Variants in IDO2 observed in about 807,000 individuals in gnomAD.
The protein encoded by IDO2 is indoleamine 2,3-dioxygenase-like 1 protein.
IDO2 carries 46 observed loss-of-function variants against 45.1 expected under a neutral mutation model. The observed-to-expected ratio is 1.02, with a 90% CI of 0.80 to 1.30. The LOEUF (loss-of-function observed/expected upper bound fraction) is 1.30, where lower values mean the gene tolerates loss of function less well. Ranked by LOEUF, IDO2 falls within the 50% of genes most tolerant of loss-of-function variation. IDO2 has a pLI of 0.00. For synonymous variants in IDO2, 218 were observed against 184.9 expected, an observed-to-expected ratio of 1.18 and a Z score of -1.45; for missense variants, 544 against 491.8, an observed-to-expected ratio of 1.11 and a Z score of -1.00.
rs34663844 is a variant in IDO2 at position 39,956,059 on chromosome 8, CTTT to C, written c.99+6811_99+6813del. Among the ~76,000 whole-genome samples the C allele has an allele frequency of 3.3e-3, 432 of 131,396 alleles. 4 individuals are homozygous for C. The highest frequency in any genetic ancestry group is 9.7e-3 in the African/African-American group (354 of 36,358). 86.2% of individuals were successfully genotyped at this position (131,396 alleles called of 152,430 possible). A position where few individuals can be genotyped will look rare whatever the true frequency, so the allele number is the denominator to read the frequency against. ...TTTCTTCATAAGATGCATTAGATGA[CTTT>C]TTTTTTTTTTTTTTTGAGACAGAGT... On this transcript the variant is annotated intron_variant, in intron 2 of 10. Transcript: ENST00000502986.
At chr8:40,010,126 G>T (rs1802290516) in intron 9 of IDO2, among the ~76,000 whole-genome samples, 1 of 152,148 alleles carries the variant, frequency 6.6e-6, no homozygotes, top group African/African-American at 2.4e-5. Context: ...ATGAAGAAAT[G>T]GAAAGCTGGA....
At chr8:39,977,564 C>G (rs1808277759) in intron 3 of IDO2, among the ~76,000 whole-genome samples, 2 of 152,150 alleles carry the variant, frequency 1.3e-5, no homozygotes, top group African/African-American at 2.4e-5. Context: ...GCCTGTAGTC[C>G]CAGGTACTCA....
At chr8:39,935,164 G>A in exon 1 of IDO2, 1 of 1,610,356 alleles carries the variant, frequency 6.2e-7, no homozygotes, top group Non-Finnish European at 8.5e-7. Context: ...AGGAAATGAA[G>A]CTTGACACTT....
intron 5 of IDO2, 54 bp from the exon 6 acceptor site, chr8:39,985,428 AATATATCTGGTTTACAAACTGAATTG>A (rs1276696789): frequency 8.8e-6 from 11 of 1,249,054 alleles, no homozygotes; most frequent in Non-Finnish European, 1.3e-5. Context: ...AGAAGTTATT[AATATATCTGGTTTACAAACTGAATTG>A]TTCTTTTATT....
Position 39,991,605 on chromosome 8 carries a change from C to A in IDO2, c.667+1767C>A, listed in dbSNP as rs1306078445. ...TTTTTTTGTGAGATGGAGTCTCACTCTGTCACTCAGGCTGGAGTGCAGTGG... is the reference window on the plus strand; with the variant it reads ...TTTTTTTGTGAGATGGAGTCTCACTATGTCACTCAGGCTGGAGTGCAGTGG... On this transcript the variant is annotated intron_variant, in intron 8 of 10. Transcript: ENST00000502986. 3.1e-5 allele frequency among the ~76,000 whole-genome samples: 4 copies of A among 129,374 alleles called. No individual in the cohort carries two copies. The East Asian group carries it at 9.4e-4, about 30-fold the overall frequency. The allele number at this position is 129,374 out of a possible 152,430, so 84.9% of individuals were successfully genotyped here. A position where few individuals can be genotyped will look rare whatever the true frequency, so the allele number is the denominator to read the frequency against.
intron 4 of IDO2, among the ~76,000 whole-genome samples, chr8:39,982,236 G>GTA (rs10612525): frequency 0.14 from 19,224 of 139,506 alleles, 1,408 homozygotes; most frequent in Middle Eastern, 0.22. Context: ...ATATATGTGT[G>GTA]TATATATATA....
At chr8:39,961,211 A>C (rs1002174966) in intron 2 of IDO2, among the ~76,000 whole-genome samples, 3 of 151,592 alleles carry the variant, frequency 2.0e-5, no homozygotes, top group African/African-American at 4.8e-5. Context: ...GTGCTAATCT[A>C]GGCTTCTCCT....
intron 3 of IDO2, among the ~76,000 whole-genome samples, chr8:39,975,889 T>C (rs766669200): frequency 1.3e-5 from 2 of 152,066 alleles, no homozygotes; most frequent in African/African-American, 2.4e-5. Flanking sequence ...ATGATGAATG[T>C]CAAAGCCATA....
At chr8:39,968,487 CA>C (rs971366810) in intron 3 of IDO2, among the ~76,000 whole-genome samples, 1 of 152,066 alleles carries the variant, frequency 6.6e-6, no homozygotes, top group Non-Finnish European at 1.5e-5. Flanking sequence ...TTGTATGTCA[CA>C]AAGAATGGAC....
At chr8:39,935,639 G>A (rs755043102) in intron 1 of IDO2, among the ~76,000 whole-genome samples, 17 of 151,974 alleles carry the variant, frequency 1.1e-4, no homozygotes, top group Non-Finnish European at 8.8e-5. Context: ...TAGTAGAGAC[G>A]GGGTTTCACC....
chr8:40,012,363 G>C (rs1802321965), intron 9 of IDO2, among the ~76,000 whole-genome samples: 1 of 152,152 alleles, frequency 6.6e-6, no homozygotes, highest in African/African-American at 2.4e-5. Context: ...AAAATTGCAA[G>C]TTTGGGGATC....
chr8:39,937,753 T>A (rs1196063739), intron 1 of IDO2, among the ~76,000 whole-genome samples: 3 of 152,154 alleles, frequency 2.0e-5, no homozygotes, highest in African/African-American at 7.2e-5. Flanking sequence ...ACTCCTGGCC[T>A]CAGGTGATCC....
intron 1 of IDO2, among the ~76,000 whole-genome samples, chr8:39,947,171 C>CAAAAAAAAAAAAAAAA (rs55785952): frequency 2.5e-5 from 2 of 80,036 alleles, no homozygotes; most frequent in Non-Finnish European, 4.5e-5. Flanking sequence ...GCTAAGGTAT[C>CAAAAAAAAAAAAAAAA]AAAAAAAAAA....
At chr8:40,015,677 T>C (rs935575836) in exon 11 of IDO2, 6 of 1,021,630 alleles carry the variant, frequency 5.9e-6, no homozygotes, top group Non-Finnish European at 8.8e-6. Flanking sequence ...GTCAGGGTTC[T>C]GCCTGGGATC....
chr8:39,951,936 C>A (rs1246778020), intron 2 of IDO2, among the ~76,000 whole-genome samples: 1 of 152,128 alleles, frequency 6.6e-6, no homozygotes, highest in Non-Finnish European at 1.5e-5. Flanking sequence ...ATGCTCCCTG[C>A]CTGATATGCT....
intron 3 of IDO2, among the ~76,000 whole-genome samples, chr8:39,965,896 G>T (rs1468342161): frequency 3.7e-5 from 2 of 53,436 alleles, no homozygotes; most frequent in Non-Finnish European, 6.2e-5. Context: ...ACCTTAATTT[G>T]GGACTTCTAT....
At position 39,995,265 on chromosome 8, in the gene IDO2, C is replaced by CT. The variant is rs1563438335; in HGVS notation, c.667+5428dup. ...CTTCTCCTTCTCCTTCTTCTTCTTCCTCTTCTTCTTCTTCTTCTTCTTCTT... is the reference window on the plus strand; with the variant it reads ...CTTCTCCTTCTCCTTCTTCTTCTTCCTTCTTCTTCTTCTTCTTCTTCTTCTT... On this transcript the variant is annotated intron_variant, in intron 8 of 10. Transcript: ENST00000502986. The CT allele has an allele frequency of 3.4e-3, 303 of 89,726 alleles. 3 individuals are homozygous for CT. The highest frequency in any genetic ancestry group is 5.3e-3 in the Middle Eastern group (1 of 190). The allele number at this position is 89,726 out of a possible 1,614,324, so 5.6% of individuals were successfully genotyped here. A position where few individuals can be genotyped will look rare whatever the true frequency, so the allele number is the denominator to read the frequency against.
At chr8:40,014,929 G>A (rs1188798466) in intron 10 of IDO2, among the ~76,000 whole-genome samples, 4 of 152,058 alleles carry the variant, frequency 2.6e-5, no homozygotes, top group African/African-American at 4.8e-5. Flanking sequence ...CAGGTGGATC[G>A]CTTGAGCCCA....
At chr8:39,969,191 T>G (rs1238036620) in intron 3 of IDO2, among the ~76,000 whole-genome samples, 2 of 152,224 alleles carry the variant, frequency 1.3e-5, no homozygotes, top group African/African-American at 4.8e-5. Flanking sequence ...CGTAGCAACC[T>G]TGCATCAAGC....
Sources: gnomAD v4.1 joint callset for allele counts (sites outside exome capture counted in the v4.1 genomes callset) on GRCh38, gnomAD v4.1.1 for gene constraint, MANE v1.5 for transcripts, NCBI Gene and HGNC (gene_info 2026-07-23, HGNC 2026-07-21) for gene names.